DRC4: variants seen among roughly 807,000 people sequenced by gnomAD.
DRC4 encodes the protein GAS-11.
At chr16:90,035,646 A>C in the DRC4 span, 2 of 1,614,124 alleles carry the variant, frequency 1.2e-6, no homozygotes, top group East Asian at 2.2e-5. Flanking sequence ...CACACCGAGG[A>C]GATCACCAGG....
At chr16:90,033,420 T>G in the DRC4 span, among the ~76,000 whole-genome samples, 1 of 152,180 alleles carries the variant, frequency 6.6e-6, no homozygotes, top group Admixed American at 6.5e-5. Context: ...TCCCAGCACT[T>G]GGGAGGGTCA....
chr16:90,043,108 C>G, the DRC4 span: 25 of 1,431,478 alleles, frequency 1.7e-5, no homozygotes, highest in Non-Finnish European at 2.4e-5. Flanking sequence ...CCGTGATGCT[C>G]ACGCTGCCCC....
At chr16:90,037,046 G>GAA in the DRC4 span, 1 of 620,296 alleles carries the variant, frequency 1.6e-6, no homozygotes. Context: ...TGCATTCCCA[G>GAA]AAAACTCAGA....
chr16:90,024,514 C>T, the DRC4 span, among the ~76,000 whole-genome samples: 3 of 152,074 alleles, frequency 2.0e-5, no homozygotes, highest in African/African-American at 4.8e-5. Flanking sequence ...ACATGTTTTG[C>T]GACTTGAGTT....
chr16:90,021,884 T>C, the DRC4 span, among the ~76,000 whole-genome samples: 2 of 125,050 alleles, frequency 1.6e-5, no homozygotes, highest in African/African-American at 5.8e-5. Flanking sequence ...AAAGCACCTG[T>C]TTATGACAAA....
At chr16:90,034,270 G>A in the DRC4 span, among the ~76,000 whole-genome samples, 1 of 152,190 alleles carries the variant, frequency 6.6e-6, no homozygotes, top group Non-Finnish European at 1.5e-5. Context: ...GAATTAGCTG[G>A]TCTTAACCCA....
At chr16:90,037,135 G>C in the DRC4 span, 2 of 1,279,196 alleles carry the variant, frequency 1.6e-6, no homozygotes, top group South Asian at 1.5e-5. Flanking sequence ...GCAGCAGCTG[G>C]TGATGGGCAG....
the DRC4 span, chr16:90,035,969 G>A: frequency 4.6e-6 from 6 of 1,305,782 alleles, no homozygotes; most frequent in African/African-American, 4.5e-5. Flanking sequence ...TCAGTGCCGT[G>A]GGCAGCCTTC....
the DRC4 span, among the ~76,000 whole-genome samples, chr16:90,028,682 G>T: frequency 8.5e-5 from 13 of 152,284 alleles, no homozygotes; most frequent in African/African-American, 2.9e-4. Context: ...TACCTAAAAG[G>T]CTCCTGGAGA....
the DRC4 span, chr16:90,036,334 G>A: frequency 2.0e-6 from 3 of 1,510,990 alleles, no homozygotes; most frequent in South Asian, 1.2e-5. Flanking sequence ...AGCCGTAGGG[G>A]CACCACGTCT....
the DRC4 span, chr16:90,029,239 G>A: frequency 1.0e-5 from 14 of 1,366,658 alleles, no homozygotes; most frequent in South Asian, 1.3e-4. Context: ...ACTGCACATC[G>A]CACGTTGAGC....
At chr16:90,027,052 A>G in the DRC4 span, among the ~76,000 whole-genome samples, 2 of 150,904 alleles carry the variant, frequency 1.3e-5, no homozygotes, top group African/African-American at 4.9e-5. Context: ...AACTGGGACT[A>G]TAGGCACACA....
the DRC4 span, chr16:90,027,659 A>G: frequency 6.2e-7 from 1 of 1,614,140 alleles, no homozygotes; most frequent in African/African-American, 1.3e-5. Flanking sequence ...AAGGGAAGAA[A>G]GGCAAAGCCA....
At chr16:90,028,815 C>T in the DRC4 span, 3 of 710,116 alleles carry the variant, frequency 4.2e-6, no homozygotes, top group Middle Eastern at 5.8e-4. Context: ...TAAATCTTAC[C>T]TTCTTTTGAT....
chr16:90,044,665 C>T, the DRC4 span: 9 of 465,996 alleles, frequency 1.9e-5, no homozygotes, highest in Admixed American at 7.1e-5. Context: ...ACCAGAAGCC[C>T]CCCACCCCAG....
the DRC4 span, chr16:90,032,620 G>A: frequency 9.4e-7 from 1 of 1,061,938 alleles, no homozygotes; most frequent in South Asian, 1.3e-5. Context: ...GTGAGGAGGT[G>A]TGGTACAGGT....
chr16:90,024,168 G>A, the DRC4 span, among the ~76,000 whole-genome samples: 3 of 117,148 alleles, frequency 2.6e-5, no homozygotes, highest in South Asian at 6.4e-4. Flanking sequence ...AAAATTAGCC[G>A]GGTGTGGTGG....
chr16:90,036,111 G>A, the DRC4 span: 1 of 581,416 alleles, frequency 1.7e-6, no homozygotes, highest in Non-Finnish European at 2.9e-6. Flanking sequence ...GGGGTCAGCT[G>A]ACATTCAGCT....
the DRC4 span, chr16:90,020,074 C>T: frequency 1.5e-6 from 1 of 666,910 alleles, no homozygotes; most frequent in South Asian, 1.6e-5. Context: ...TGGCCTGGGC[C>T]ACTGCTTCTC....
Sources: allele counts gnomAD v4.1 joint callset (sites outside exome capture counted in the v4.1 genomes callset), GRCh38; gene constraint gnomAD v4.1.1; transcripts MANE v1.5; gene names NCBI Gene and HGNC (gene_info 2026-07-23, HGNC 2026-07-21).